GALNT17: variants seen among roughly 807,000 people sequenced by gnomAD.
GALNT17 encodes the protein polypeptide N-acetylgalactosaminyltransferase 17.
A neutral mutation model predicts 63.7 loss-of-function variants in GALNT17; 29 were observed. That is an observed-to-expected ratio of 0.46 (90% CI 0.34 to 0.62). GALNT17 has a LOEUF of 0.62. GALNT17 is among the 20% of genes least tolerant of loss of function. The probability of loss-of-function intolerance (pLI) is 0.01; values close to 1 mark genes in which losing one functional copy is unlikely to be tolerated. For synonymous variants in GALNT17, 305 were observed against 318.3 expected (o/e 0.96, Z 0.45); for missense variants, 603 against 799.6 (o/e 0.75, Z 2.97).
chr7:71,703,142 AT>A (rs1345815331), intron 9 of GALNT17, among the ~76,000 whole-genome samples: 1 of 152,256 alleles, frequency 6.6e-6, no homozygotes, highest in Non-Finnish European at 1.5e-5. Flanking sequence ...GAGAAGTTAT[AT>A]CAACTGTACT....
chr7:71,591,126 G>A (rs978290674), intron 6 of GALNT17, among the ~76,000 whole-genome samples: 2 of 152,040 alleles, frequency 1.3e-5, no homozygotes, highest in Admixed American at 6.6e-5. Context: ...GCTTCATCTC[G>A]GCTCACTGCA....
intron 2 of GALNT17, among the ~76,000 whole-genome samples, chr7:71,344,835 G>C (rs1792062234): frequency 1.3e-5 from 2 of 152,174 alleles, no homozygotes; most frequent in Non-Finnish European, 1.5e-5. Context: ...AAATCCTAGA[G>C]AGAATTAGTA....
chr7:71,504,987 T>G (rs1788243671), intron 5 of GALNT17, among the ~76,000 whole-genome samples: 4 of 152,180 alleles, frequency 2.6e-5, no homozygotes, highest in Admixed American at 2.0e-4. Flanking sequence ...TATCCCACAC[T>G]GCAATCTTAG....
At chr7:71,702,524 G>C (rs1258908499) in intron 9 of GALNT17, among the ~76,000 whole-genome samples, 1 of 152,142 alleles carries the variant, frequency 6.6e-6, no homozygotes, top group Non-Finnish European at 1.5e-5. Flanking sequence ...CAAGGATCTT[G>C]GACTTTTATT....
At chr7:71,495,150 C>T (rs140945260) in intron 5 of GALNT17, among the ~76,000 whole-genome samples, 4 of 152,288 alleles carry the variant, frequency 2.6e-5, no homozygotes, top group African/African-American at 9.6e-5. Flanking sequence ...GTGGTGCACA[C>T]CTGTAGTCCC....
intron 1 of GALNT17, among the ~76,000 whole-genome samples, chr7:71,235,593 G>A (rs923783229): frequency 8.5e-5 from 13 of 152,136 alleles, no homozygotes; most frequent in African/African-American, 2.4e-4. Flanking sequence ...AAAATAAAAC[G>A]TCATCAGATA....
chr7:71,472,981 A>G (rs1286804723), intron 5 of GALNT17, among the ~76,000 whole-genome samples: 1 of 152,212 alleles, frequency 6.6e-6, no homozygotes, highest in African/African-American at 2.4e-5. Flanking sequence ...TTGGCTTTAT[A>G]CAATTTATGA....
At chr7:71,395,680 G>T in intron 3 of GALNT17, among the ~76,000 whole-genome samples, 1 of 152,172 alleles carries the variant, frequency 6.6e-6, no homozygotes, top group East Asian at 1.9e-4. Flanking sequence ...TCCACAGCCA[G>T]ACTGTTTTTC....
intron 5 of GALNT17, among the ~76,000 whole-genome samples, chr7:71,479,337 G>T (rs952537694): frequency 6.6e-6 from 1 of 151,906 alleles, no homozygotes; most frequent in Non-Finnish European, 1.5e-5. Flanking sequence ...ACTCAGTTTT[G>T]CACTGGGGCT....
At chr7:71,210,770 A>C (rs1277843856) in intron 1 of GALNT17, among the ~76,000 whole-genome samples, 2 of 152,106 alleles carry the variant, frequency 1.3e-5, no homozygotes, top group African/African-American at 4.8e-5. Flanking sequence ...CTCATGTGTG[A>C]AGTAGAAGCA....
In GALNT17 at chr7:71,423,783, G is replaced by T. The variant is rs1490090668; in HGVS notation, c.962+2678G>T. 2.0e-5 allele frequency among the ~76,000 whole-genome samples: 3 copies of T among 152,002 alleles called. 1 individual carries two copies. The highest frequency in any genetic ancestry group is 7.2e-5 in the African/African-American group (3 of 41,402). On this transcript the variant is annotated intron_variant, in intron 5 of 10. Coordinates refer to ENST00000333538, the MANE Select transcript of GALNT17 (RefSeq NM_022479.3). ...AAATTAAAAAAAAAAATTAGCCGGGGTGGTGGTGTGCTCTTGTAATCTCAG... is the reference window on the plus strand; with the variant it reads ...AAATTAAAAAAAAAAATTAGCCGGGTTGGTGGTGTGCTCTTGTAATCTCAG...
chr7:71,348,246 G>A (rs1453742846), intron 2 of GALNT17, among the ~76,000 whole-genome samples: 1 of 147,028 alleles, frequency 6.8e-6, no homozygotes, highest in African/African-American at 2.6e-5. Context: ...GGACCACTGA[G>A]TGAGACTCTG....
intron 8 of GALNT17, among the ~76,000 whole-genome samples, chr7:71,676,902 G>A (rs1791158503): frequency 6.6e-6 from 1 of 152,152 alleles, no homozygotes; most frequent in African/African-American, 2.4e-5. Flanking sequence ...TAAGATCGGG[G>A]TAACCAGTGC....
chr7:71,656,694 A>G (rs1045696678), intron 6 of GALNT17, among the ~76,000 whole-genome samples: 6 of 151,988 alleles, frequency 3.9e-5, no homozygotes, highest in Admixed American at 1.3e-4. Context: ...AGTGGATGTG[A>G]AAGGAAGTGG....
rs537622956 is a variant in GALNT17, at chr7:71,538,681, C to T, written c.963-32604C>T. Among the ~76,000 whole-genome samples the T allele has an allele frequency of 5.3e-5, 8 of 152,144 alleles. No homozygotes were observed. The East Asian group carries it at 1.5e-3, about 29-fold the overall frequency. Reference sequence around the variant, plus strand: ...ACAGCTTTTCCACTGTCAAATTAACCCTCTTTTAAAAGTGGGTTTCTGCAG... The same window carrying T: ...ACAGCTTTTCCACTGTCAAATTAACTCTCTTTTAAAAGTGGGTTTCTGCAG... On this transcript the variant is annotated intron_variant, in intron 5 of 10. Coordinates refer to ENST00000333538, the MANE Select transcript of GALNT17 (RefSeq NM_022479.3).
chr7:71,323,263 C>T (rs113123682), intron 1 of GALNT17, among the ~76,000 whole-genome samples: 57 of 152,248 alleles, frequency 3.7e-4, no homozygotes, highest in African/African-American at 1.3e-3. Context: ...ACCAGGAATG[C>T]AGTGTACCAC....
Position 71,649,460 on chromosome 7 carries a change from G to A in GALNT17, c.1081-15951G>A, listed in dbSNP as rs534807982. ...TCAGGGGGTTTTTAAGAGGATGGGT[G>A]ATTGGCTAAAGTGTGGGGATTCCTG... On this transcript the variant is annotated intron_variant, in intron 6 of 10. Transcript: ENST00000333538. Among the ~76,000 whole-genome samples, 5 of 152,280 alleles carry A rather than the reference G, an allele frequency of 3.3e-5. No homozygotes were observed. The East Asian group carries it at 5.8e-4, about 18-fold the overall frequency.
At chr7:71,383,579 C>T (rs978392053) in intron 2 of GALNT17, among the ~76,000 whole-genome samples, 1 of 152,092 alleles carries the variant, frequency 6.6e-6, no homozygotes, top group Non-Finnish European at 1.5e-5. Context: ...GCTGAAACTG[C>T]AGGCATGTGC....
rs184136330 is a variant in GALNT17 at position 71,654,216 on chromosome 7, C to T, written c.1081-11195C>T. ...ATTTTTAGTAGAGACGGGGTTTCAC[C>T]GTGTTAGCCAGGATGGTCTCCATCT... On this transcript the variant is annotated intron_variant, in intron 6 of 10. Transcript: ENST00000333538. Among the ~76,000 whole-genome samples, 996 of 152,066 alleles carry T rather than the reference C, an allele frequency of 6.5e-3. 13 individuals are homozygous for T. The highest frequency in any genetic ancestry group is 0.023 in the African/African-American group (944 of 41,490).
Sources: allele counts gnomAD v4.1 joint callset (sites outside exome capture counted in the v4.1 genomes callset), GRCh38; gene constraint gnomAD v4.1.1; transcripts MANE v1.5; gene names NCBI Gene and HGNC (gene_info 2026-07-23, HGNC 2026-07-21).